MGAT4C: variants seen among roughly 807,000 people sequenced by gnomAD.
MGAT4C encodes the protein alpha-1,3-mannosyl-glycoprotein 4-beta-N-acetylglucosaminyltransferase C.
In MGAT4C, 19 loss-of-function variants were observed where a neutral mutation model predicts 40.1. The observed-to-expected ratio is 0.47, with a 90% confidence interval of 0.33 to 0.70. MGAT4C has a LOEUF of 0.70. MGAT4C is among the 30% of genes least tolerant of loss of function. The probability of loss-of-function intolerance (pLI) is 0.02; values close to 1 mark genes in which losing one functional copy is unlikely to be tolerated. For synonymous variants in MGAT4C, 181 were observed against 187.1 expected (o/e 0.97, Z 0.27); for missense variants, 491 against 563.2 (o/e 0.87, Z 1.30).
chr12:86,406,958 A>G (rs1956486305), intron 3 of MGAT4C, among the ~76,000 whole-genome samples: 1 of 152,100 alleles, frequency 6.6e-6, no homozygotes, highest in South Asian at 2.1e-4. Flanking sequence ...TCAGTCCCAT[A>G]CGATTGTCCT....
intron 2 of MGAT4C, among the ~76,000 whole-genome samples, chr12:86,019,855 C>A (rs1889492266): frequency 6.6e-6 from 1 of 152,134 alleles, no homozygotes; most frequent in African/African-American, 2.4e-5. Flanking sequence ...TTTGTATCCT[C>A]TTTTATTTCA....
intron 2 of MGAT4C, among the ~76,000 whole-genome samples, chr12:86,602,424 G>A (rs892544485): frequency 3.9e-5 from 6 of 152,164 alleles, no homozygotes; most frequent in African/African-American, 1.4e-4. Context: ...ATTTTGAGGT[G>A]TGCTCTAAGC....
At chr12:86,105,604 C>T (rs560889902) in intron 1 of MGAT4C, among the ~76,000 whole-genome samples, 10 of 152,158 alleles carry the variant, frequency 6.6e-5, no homozygotes, top group Admixed American at 2.0e-4. Context: ...TATCAGAAAA[C>T]GAATTCCATA....
chr12:86,699,511 G>C (rs1011080299), intron 2 of MGAT4C, among the ~76,000 whole-genome samples: 1 of 152,022 alleles, frequency 6.6e-6, no homozygotes, highest in Non-Finnish European at 1.5e-5. Context: ...GTTAAGTTTA[G>C]ATTGTGTGTG....
At chr12:86,648,277 C>T (rs1343871801) in intron 2 of MGAT4C, among the ~76,000 whole-genome samples, 2 of 151,884 alleles carry the variant, frequency 1.3e-5, no homozygotes, top group African/African-American at 4.8e-5. Context: ...ACTCTAATTA[C>T]CTACCAACTT....
At chr12:86,697,007 T>A (rs1565931765) in intron 2 of MGAT4C, among the ~76,000 whole-genome samples, 1 of 152,146 alleles carries the variant, frequency 6.6e-6, no homozygotes, top group Non-Finnish European at 1.5e-5. Context: ...TTTTATAGTG[T>A]GTAGTTGATA....
chr12:86,717,174 T>C (rs996424878), intron 2 of MGAT4C, among the ~76,000 whole-genome samples: 1 of 151,184 alleles, frequency 6.6e-6, no homozygotes, highest in Non-Finnish European at 1.5e-5. Flanking sequence ...CTTGTAATTA[T>C]AATTATTACA....
At chr12:86,694,250 G>C (rs574905560) in intron 2 of MGAT4C, among the ~76,000 whole-genome samples, 1 of 152,096 alleles carries the variant, frequency 6.6e-6, no homozygotes, top group East Asian at 1.9e-4. Flanking sequence ...TAAGCTAGTC[G>C]TTTTTCTTCT....
intron 1 of MGAT4C, among the ~76,000 whole-genome samples, chr12:86,761,514 T>C (rs897857231): frequency 6.6e-6 from 1 of 152,226 alleles, no homozygotes; most frequent in African/African-American, 2.4e-5. Flanking sequence ...AACCACAAAC[T>C]TAGTTGCTTA....
chr12:86,733,102 C>G (rs569432222), intron 1 of MGAT4C, among the ~76,000 whole-genome samples: 38 of 152,158 alleles, frequency 2.5e-4, no homozygotes, highest in Non-Finnish European at 3.7e-4. Context: ...GATAATTACT[C>G]TATCCAGTAT....
intron 1 of MGAT4C, among the ~76,000 whole-genome samples, chr12:86,081,200 T>A (rs965657835): frequency 1.1e-4 from 17 of 152,126 alleles, no homozygotes; most frequent in Non-Finnish European, 2.5e-4. Context: ...CTTGAACAGT[T>A]CCTGAATAGT....
chr12:86,144,385 A>G (rs1883244495), intron 1 of MGAT4C, among the ~76,000 whole-genome samples: 1 of 152,164 alleles, frequency 6.6e-6, no homozygotes, highest in Admixed American at 6.5e-5. Flanking sequence ...TATACCCTCG[A>G]GTACAGGTCT....
In MGAT4C at chr12:85,964,488, C is replaced by T. The variant is rs1883258441; in HGVS notation, c.*14801G>A. On this transcript the variant is annotated 3_prime_UTR_variant, in exon 5 of 5. Coordinates refer to ENST00000611864, the MANE Select transcript of MGAT4C (RefSeq NM_001351288.2). Reference sequence around the variant, plus strand: ...TTAAGCAACATTCCTAAGACTAGAACCTTATCTTGAAAAATTATGATTTTA... The same window carrying T: ...TTAAGCAACATTCCTAAGACTAGAATCTTATCTTGAAAAATTATGATTTTA... 1 of 151,942 alleles carries T rather than the reference C, an allele frequency of 6.6e-6. No homozygotes were observed. Among genetic ancestry groups the T allele is most frequent in the Admixed American group, 6.6e-5 (1 of 15,252 alleles). The allele number at this position is 151,942 out of a possible 1,614,324, so 9.4% of individuals were successfully genotyped here.
rs182005570 is a variant in MGAT4C, at chr12:86,035,027, C to A, written c.-7+14647G>T. Among the ~76,000 whole-genome samples the A allele has an allele frequency of 2.3e-4, 34 of 150,048 alleles. 2 individuals are homozygous for A. Among genetic ancestry groups the A allele is most frequent in the Admixed American group, 6.0e-4 (9 of 14,972 alleles). On this transcript the variant is annotated intron_variant, in intron 2 of 4. Transcript: ENST00000611864. ...AAGTCTTTGCTATTGCGAACAGTCCCACAATAAACATACGTGTGCATGTGT... is the reference window on the plus strand; with the variant it reads ...AAGTCTTTGCTATTGCGAACAGTCCAACAATAAACATACGTGTGCATGTGT...
At chr12:86,168,350 G>T (rs1441492717) in intron 1 of MGAT4C, among the ~76,000 whole-genome samples, 1 of 152,068 alleles carries the variant, frequency 6.6e-6, no homozygotes, top group African/African-American at 2.4e-5. Context: ...ATCAAGACAT[G>T]TGCCTTCCAA....
At chr12:86,339,079 G>A (rs994737692) in intron 3 of MGAT4C, among the ~76,000 whole-genome samples, 3 of 151,312 alleles carry the variant, frequency 2.0e-5, no homozygotes, top group Non-Finnish European at 2.9e-5. Context: ...ATTTAATGCC[G>A]AAAACAACCC....
At chr12:86,324,682 A>T (rs77543690) in intron 4 of MGAT4C, among the ~76,000 whole-genome samples, 12,909 of 152,112 alleles carry the variant, frequency 0.085, 764 homozygotes, top group Middle Eastern at 0.22. Flanking sequence ...CAACTAATCC[A>T]TAGAGAAACG....
chr12:86,239,301 G>A (rs1951681303), intron 1 of MGAT4C, among the ~76,000 whole-genome samples: 1 of 151,848 alleles, frequency 6.6e-6, no homozygotes, highest in African/African-American at 2.4e-5. Flanking sequence ...CGTGGAGGAA[G>A]GAACATGACT....
rs749399472 is a variant in MGAT4C at position 85,979,252 on chromosome 12, GA to G, written c.*36del. 6.7e-7 allele frequency: 1 copy of G among 1,485,798 alleles called. No individual in the cohort carries two copies. The highest frequency in any genetic ancestry group is 1.4e-5 in the African/African-American group (1 of 71,184). The allele number at this position is 1,485,798 out of a possible 1,614,324, so 92.0% of individuals were successfully genotyped here. A position where few individuals can be genotyped will look rare whatever the true frequency, so the allele number is the denominator to read the frequency against. ...AAGGTAGCAAAAGACGAAGCAGGAA[GA>G]ACTGCTTCAGAAACTGAACATACTG... On this transcript the variant is annotated 3_prime_UTR_variant, in exon 5 of 5. Coordinates refer to ENST00000611864, the MANE Select transcript of MGAT4C (RefSeq NM_001351288.2).
Sources: gnomAD v4.1 joint callset for allele counts (sites outside exome capture counted in the v4.1 genomes callset) on GRCh38, gnomAD v4.1.1 for gene constraint, MANE v1.5 for transcripts, NCBI Gene and HGNC (gene_info 2026-07-23, HGNC 2026-07-21) for gene names.